Variants in ADGRV1 observed in about 807,000 individuals in gnomAD.
ADGRV1 encodes the protein adhesion G protein-coupled receptor V1.
ADGRV1 carries 359 observed loss-of-function variants against 596.2 expected under a neutral mutation model. The ratio of observed to expected loss-of-function variants is 0.60; its 90% CI spans 0.55 to 0.66. The LOEUF (loss-of-function observed/expected upper bound fraction) is 0.66. Ranked by LOEUF, ADGRV1 falls within the 30% of genes least tolerant of loss-of-function variation. ADGRV1 has a pLI of 0.00. For synonymous variants in ADGRV1, 2,681 were observed against 2,679.2 expected (o/e 1.00, Z -0.02); for missense variants, 7,274 against 7,575.6 (o/e 0.96, Z 1.48).
intron 89 of ADGRV1, among the ~76,000 whole-genome samples, chr5:91,160,421 G>T (rs1796846218): frequency 6.6e-6 from 1 of 152,170 alleles, no homozygotes. Flanking sequence ...TCACATTGAT[G>T]TGGGCCACTC....
chr5:90,903,240 T>C (rs1772014922), intron 83 of ADGRV1, among the ~76,000 whole-genome samples: 1 of 152,102 alleles, frequency 6.6e-6, no homozygotes, highest in Non-Finnish European at 1.5e-5. Flanking sequence ...ATCTTTGTTC[T>C]TTTTAATAAC....
intron 84 of ADGRV1, among the ~76,000 whole-genome samples, chr5:90,982,881 A>G (rs1169138696): frequency 1.3e-5 from 2 of 152,208 alleles, no homozygotes; most frequent in South Asian, 2.1e-4. Flanking sequence ...AGGGCTGCTC[A>G]TGAGCTAGGC....
At chr5:90,574,415 T>C (rs1580317133) in intron 1 of ADGRV1, among the ~76,000 whole-genome samples, 1 of 152,248 alleles carries the variant, frequency 6.6e-6, no homozygotes, top group Non-Finnish European at 1.5e-5. Flanking sequence ...TTTGTGGCTA[T>C]TATAGGTGGG....
At chr5:90,808,853 G>A (rs992072056) in intron 73 of ADGRV1, among the ~76,000 whole-genome samples, 2 of 152,046 alleles carry the variant, frequency 1.3e-5, no homozygotes, top group Admixed American at 6.5e-5. Context: ...CTGAGATCGC[G>A]CCACAGTGCT....
chr5:90,998,228 A>G (rs1300983280), intron 85 of ADGRV1, among the ~76,000 whole-genome samples: 1 of 152,200 alleles, frequency 6.6e-6, no homozygotes, highest in African/African-American at 2.4e-5. Flanking sequence ...AGAAAGAAAA[A>G]TGTCTCTAAA....
In ADGRV1 at chr5:91,156,598, T is replaced by G. The variant is rs115125287; in HGVS notation, c.18802+3200T>G. Among the ~76,000 whole-genome samples the G allele has an allele frequency of 5.4e-3, 827 of 152,332 alleles. 9 individuals carry two copies. The highest frequency in any genetic ancestry group is 0.019 in the African/African-American group (794 of 41,576). The stretch of plus-strand genomic sequence containing the variant: ...GATCTATATTACATTACATCTTATA[T>G]TTATGTAACTATGAAGTGCATTTGG... On this transcript the variant is annotated intron_variant, in intron 89 of 89. Transcript: ENST00000405460.
intron 85 of ADGRV1, among the ~76,000 whole-genome samples, chr5:91,046,825 GACAA>G (rs753731344): frequency 2.6e-5 from 4 of 151,930 alleles, no homozygotes; most frequent in Non-Finnish European, 5.9e-5. Flanking sequence ...AGCAAGAAAA[GACAA>G]ACAATCCCAT....
intron 77 of ADGRV1, among the ~76,000 whole-genome samples, chr5:90,833,972 G>A (rs1023740009): frequency 6.6e-6 from 1 of 152,060 alleles, no homozygotes; most frequent in Non-Finnish European, 1.5e-5. Flanking sequence ...ATTACAGATT[G>A]CATAAACATA....
intron 76 of ADGRV1, among the ~76,000 whole-genome samples, chr5:90,827,308 ATTTCTCAT>A (rs1168115381): frequency 4.7e-4 from 72 of 152,248 alleles, no homozygotes; most frequent in Non-Finnish European, 4.4e-5. Context: ...GCAAGTCTTG[ATTTCTCAT>A]TAGACTTCAG....
At chr5:91,146,005 A>G (rs909611663) in intron 87 of ADGRV1, among the ~76,000 whole-genome samples, 1 of 152,206 alleles carries the variant, frequency 6.6e-6, no homozygotes. Context: ...GGCCCACAAG[A>G]AAGTTATTGC....
chr5:90,673,146 A>G (rs566848641), intron 22 of ADGRV1, among the ~76,000 whole-genome samples: 1 of 152,250 alleles, frequency 6.6e-6, no homozygotes, highest in East Asian at 1.9e-4. Context: ...TATTCCTTTT[A>G]TAACTTTTTT....
chr5:90,792,115 G>C (rs1472384166), intron 70 of ADGRV1: 1 of 152,204 alleles, frequency 6.6e-6, no homozygotes, highest in Non-Finnish European at 1.5e-5. Flanking sequence ...AGACAGATTG[G>C]TGTCATCTTG....
chr5:90,798,382 T>C (rs763444413), intron 70 of ADGRV1, among the ~76,000 whole-genome samples: 1 of 152,104 alleles, frequency 6.6e-6, no homozygotes, highest in South Asian at 2.1e-4. Context: ...CAGGAAGAAG[T>C]CGAATCCCTG....
intron 13 of ADGRV1, among the ~76,000 whole-genome samples, 195 bp from the exon 14 acceptor site, chr5:90,643,608 A>G (rs1767298080): frequency 1.3e-5 from 2 of 152,150 alleles, no homozygotes; most frequent in Admixed American, 1.3e-4. Flanking sequence ...TGGACAATGT[A>G]TACGTATTTC....
Position 90,823,416 on chromosome 5 carries a change from T to A in ADGRV1, c.16197-9T>A. The A allele has an allele frequency of 6.2e-7, 1 of 1,612,882 alleles. No homozygotes were observed. The highest frequency in any genetic ancestry group is 8.5e-7 in the Non-Finnish European group (1 of 1,179,628). ...TCTGTTAAGGCATTGGTGGGTTTCT[T>A]GCTCACAGGGCCTTTGAAGATGTCA... On this transcript the variant is annotated splice_polypyrimidine_tract_variant and intron_variant, in intron 75 of 89. Transcript: ENST00000405460.
chr5:91,072,468 T>G lies in ADGRV1; in HGVS notation c.18174T>G (p.Tyr6058Ter). 7 of 1,613,734 alleles carry G rather than the reference T, an allele frequency of 4.3e-6. No individual in the cohort carries two copies. Among genetic ancestry groups the G allele is most frequent in the Non-Finnish European group, 5.9e-6 (7 of 1,179,642 alleles). ...HGDLCFIPNVYAALFTAALVP... is the reference protein window; with the variant it reads ...HGDLCFIPNV Reference sequence around the variant, plus strand: ...CCAGGTGTTTTATTCCAAACGTCTATGCTGCTTTGTTCACTGCAGCTCTTG... The same window carrying G: ...CCAGGTGTTTTATTCCAAACGTCTAGGCTGCTTTGTTCACTGCAGCTCTTG... The change falls in exon 86 of 90, where the codon TAT becomes TAG. Residue 6058 changes from tyrosine (Y) to a stop codon, truncating the protein, a stop_gained. Transcript: ENST00000405460. LOFTEE classifies it high-confidence loss of function.
intron 75 of ADGRV1, among the ~76,000 whole-genome samples, chr5:90,818,989 G>T (rs1207063956): frequency 6.6e-6 from 1 of 152,034 alleles, no homozygotes; most frequent in East Asian, 1.9e-4. Flanking sequence ...CAGAAGGAAT[G>T]GTACCAGTTC....
At position 90,810,365 on chromosome 5, in the gene ADGRV1, C is replaced by T. The variant is rs1004552669; in HGVS notation, c.15105C>T (p.Ser5035=). The T allele has an allele frequency of 1.3e-5, 21 of 1,613,490 alleles. No individual in the cohort carries two copies. In the Admixed American group the frequency reaches 1.3e-4, roughly 10 times the overall value. Residue 5035 remains serine (S), a synonymous_variant, in exon 74 of 90, where the codon AGC becomes AGT. Coordinates refer to ENST00000405460, the MANE Select transcript of ADGRV1 (RefSeq NM_032119.4). ...LHVQRLFGFH[S]DLIKVSYQTT... is the part of the protein sequence containing the mutation. ...TACAAAGACTATTTGGGTTCCACAG[C>T]GATCTTATTAAAGTTTCTTATCAGA...
At chr5:91,070,580 G>C (rs1024387735) in intron 85 of ADGRV1, among the ~76,000 whole-genome samples, 2 of 152,206 alleles carry the variant, frequency 1.3e-5, no homozygotes, top group African/African-American at 2.4e-5. Context: ...TAGATATTGA[G>C]AACCTGTTTA....
Sources: allele counts gnomAD v4.1 joint callset (sites outside exome capture counted in the v4.1 genomes callset), GRCh38; gene constraint gnomAD v4.1.1; transcripts MANE v1.5; gene names NCBI Gene and HGNC (gene_info 2026-07-23, HGNC 2026-07-21).